The following PIK3CA variants were observed in gnomAD, a reference collection of about 807,000 sequenced individuals.
The protein encoded by PIK3CA is phosphatidylinositol-4,5-bisphosphate 3-kinase catalytic subunit alpha.
In PIK3CA, 27 loss-of-function variants were observed where a neutral mutation model predicts 138.2. That is an observed-to-expected ratio of 0.20 (90% confidence interval 0.14 to 0.27). The LOEUF (loss-of-function observed/expected upper bound fraction) is 0.27. PIK3CA is among the 10% of genes least tolerant of loss of function. The pLI is 1.00. For missense variants in PIK3CA, 544 were observed against 1,277.4 expected (o/e 0.43, Z 8.75); for synonymous variants, 358 against 413.2 (o/e 0.87, Z 1.62).
At chr3:179,150,631 T>C (rs1428074052) in intron 1 of PIK3CA, among the ~76,000 whole-genome samples, 1 of 152,176 alleles carries the variant, frequency 6.6e-6, no homozygotes, top group Non-Finnish European at 1.5e-5. Context: ...AAAGGGAGAC[T>C]AAAAGTGCAG....
At chr3:179,198,687 G>T in intron 1 of PIK3CA, 63 bp from the exon 2 acceptor site, 1 of 512,522 alleles carries the variant, frequency 2.0e-6, no homozygotes. Context: ...TTTTAGCAGT[G>T]TTATAAATGT....
intron 1 of PIK3CA, among the ~76,000 whole-genome samples, chr3:179,187,940 A>C (rs913864025): frequency 6.6e-6 from 1 of 152,126 alleles, no homozygotes; most frequent in Admixed American, 6.6e-5. Flanking sequence ...CCCGACCCTC[A>C]TTTAATTCTT....
chr3:179,199,044 T>C lies in PIK3CA; in HGVS notation c.219T>C (p.Val73=), dbSNP rs1407322095. Reference sequence around the variant, plus strand: ...AATCTTCTTACATTTTCGTAAGTGTTACTCAAGAAGCAGAAAGGGAAGAAT... The same window carrying C: ...AATCTTCTTACATTTTCGTAAGTGTCACTCAAGAAGCAGAAAGGGAAGAAT... ...QDESSYIFVS[V]TQEAEREEFF... The change falls in exon 2 of 21, where the codon GTT becomes GTC. Residue 73 remains valine, a synonymous_variant. Coordinates refer to ENST00000263967, the MANE Select transcript of PIK3CA (RefSeq NM_006218.4). 1 of 1,613,760 alleles carries C rather than the reference T, an allele frequency of 6.2e-7. No homozygotes were observed.
At chr3:179,185,026 T>C (rs1325901548) in intron 1 of PIK3CA, among the ~76,000 whole-genome samples, 2 of 152,194 alleles carry the variant, frequency 1.3e-5, no homozygotes, top group Non-Finnish European at 2.9e-5. Context: ...CCGTTGATTT[T>C]TGATGAAGAA....
At position 179,236,207 on chromosome 3, in the gene PIK3CA, T is replaced by C. The variant is rs376373692; in HGVS notation, c.*1843T>C. On this transcript the variant is annotated 3_prime_UTR_variant, in exon 21 of 21. Coordinates refer to ENST00000263967, the MANE Select transcript of PIK3CA (RefSeq NM_006218.4). The stretch of plus-strand genomic sequence containing the variant: ...TTAGATCCCTTAAAGGGCATAATTA[T>C]TGGAAATTTAGGTATTTCACTAAAG... The C allele has an allele frequency of 2.4e-5, 5 of 204,698 alleles. No individual in the cohort carries two copies. Among genetic ancestry groups the C allele is most frequent in the East Asian group, 2.2e-4 (3 of 13,478 alleles). 12.7% of individuals were successfully genotyped at this position (204,698 alleles called of 1,614,324 possible).
intron 1 of PIK3CA, among the ~76,000 whole-genome samples, chr3:179,194,586 C>T (rs1724217967): frequency 6.6e-6 from 1 of 152,150 alleles, no homozygotes; most frequent in African/African-American, 2.4e-5. Flanking sequence ...TACATCTGGC[C>T]CCTACCTACC....
chr3:179,196,949 A>T (rs1282475461), intron 1 of PIK3CA, among the ~76,000 whole-genome samples: 1 of 152,126 alleles, frequency 6.6e-6, no homozygotes, highest in East Asian at 1.9e-4. Context: ...GATGGGTTAG[A>T]TGTTGATTGG....
intron 1 of PIK3CA, among the ~76,000 whole-genome samples, chr3:179,162,614 A>G (rs938820196): frequency 6.6e-6 from 1 of 152,206 alleles, no homozygotes; most frequent in Non-Finnish European, 1.5e-5. Flanking sequence ...TGTAAGGCAA[A>G]TATTTAAAAA....
chr3:179,154,669 T>C (rs1723091395), intron 1 of PIK3CA, among the ~76,000 whole-genome samples: 1 of 152,230 alleles, frequency 6.6e-6, no homozygotes, highest in African/African-American at 2.4e-5. Flanking sequence ...TGTTGCTTGC[T>C]AAGTAACATA....
intron 1 of PIK3CA, among the ~76,000 whole-genome samples, chr3:179,158,311 G>A (rs968546384): frequency 2.0e-5 from 3 of 152,248 alleles, no homozygotes; most frequent in Non-Finnish European, 4.4e-5. Flanking sequence ...TAGGAATGAG[G>A]AATTAATGGA....
At chr3:179,150,085 C>T (rs1384332974) in intron 1 of PIK3CA, among the ~76,000 whole-genome samples, 4 of 151,144 alleles carry the variant, frequency 2.6e-5, no homozygotes, top group Admixed American at 6.6e-5. Context: ...CTAAACATCA[C>T]ATGTTCTGGA....
chr3:179,173,578 C>CA (rs1157941292), intron 1 of PIK3CA, among the ~76,000 whole-genome samples: 61 of 143,690 alleles, frequency 4.2e-4, no homozygotes, highest in African/African-American at 8.7e-4. Context: ...GACTCCATCT[C>CA]AAAAAAAAAA....
At chr3:179,185,344 A>G (rs913595288) in intron 1 of PIK3CA, among the ~76,000 whole-genome samples, 2 of 152,224 alleles carry the variant, frequency 1.3e-5, no homozygotes, top group Non-Finnish European at 1.5e-5. Context: ...CTTTTTCTAG[A>G]TTCTGTAGAA....
chr3:179,176,390 G>T (rs1351671802), intron 1 of PIK3CA, among the ~76,000 whole-genome samples: 1 of 151,954 alleles, frequency 6.6e-6, no homozygotes, highest in Non-Finnish European at 1.5e-5. Context: ...CTCACCTCTG[G>T]TGAGGTTTTT....
chr3:179,224,620 TATTTATATTTTAAA>T (rs1725041581), intron 15 of PIK3CA, 66 bp from the exon 16 acceptor site: 23 of 913,742 alleles, frequency 2.5e-5, no homozygotes, highest in Non-Finnish European at 3.5e-5. Context: ...AGCTATATTG[TATTTATATTTTAAA>T]ATAAATTTCA....
At position 179,231,890 on chromosome 3, in the gene PIK3CA, G is replaced by A. The variant is rs534015193; in HGVS notation, c.2936+1514G>A. On this transcript the variant is annotated intron_variant, in intron 20 of 20. Coordinates refer to ENST00000263967, the MANE Select transcript of PIK3CA (RefSeq NM_006218.4). ...ATTCCTGACCTCAGGTGATCCACCC[G>A]CCTCAGCCTCCCTAAGTGCTGGGAT... is the stretch of plus-strand genomic sequence containing the variant. Among the ~76,000 whole-genome samples the A allele has an allele frequency of 4.6e-5, 7 of 151,964 alleles. No homozygotes were observed. The East Asian group carries it at 7.8e-4, about 17-fold the overall frequency.
intron 14 of PIK3CA, among the ~76,000 whole-genome samples, chr3:179,222,640 T>C (rs186708682): frequency 6.6e-6 from 1 of 152,202 alleles, no homozygotes; most frequent in Non-Finnish European, 1.5e-5. Context: ...CGCTGTAGAC[T>C]ATTGGTCGTT....
intron 1 of PIK3CA, among the ~76,000 whole-genome samples, chr3:179,185,608 A>G (rs1208879783): frequency 2.6e-5 from 4 of 152,236 alleles, no homozygotes; most frequent in Non-Finnish European, 5.9e-5. Context: ...TTCCAATGGC[A>G]GTCATAAGCT....
rs370131027 is a variant in PIK3CA, at chr3:179,218,874, A to G, written c.1665-322A>G. 4.3e-4 allele frequency among the ~76,000 whole-genome samples: 65 copies of G among 152,168 alleles called. 1 individual carries two copies. The South Asian group carries it at 0.013, about 30-fold the overall frequency. On this transcript the variant is annotated intron_variant, in intron 10 of 20. Transcript: ENST00000263967. ...TGACTCTATGATTCATTCATGTTGC[A>G]TAAGTAGGTGAAAAATATGAGCTAT...
Sources: allele counts gnomAD v4.1 joint callset (sites outside exome capture counted in the v4.1 genomes callset), GRCh38; gene constraint gnomAD v4.1.1; transcripts MANE v1.5; gene names NCBI Gene and HGNC (gene_info 2026-07-23, HGNC 2026-07-21).